Variants in SRFBP1 observed in about 807,000 individuals in gnomAD.
SRFBP1 encodes the protein serum response factor binding protein 1, also known as serum response factor-binding protein 1.
In SRFBP1, 47 loss-of-function variants were observed where a neutral mutation model predicts 45.5. The observed-to-expected ratio is 1.03, with a 90% CI of 0.82 to 1.32. SRFBP1 has a LOEUF of 1.32. Ranked by LOEUF, SRFBP1 falls within the 40% of genes most tolerant of loss-of-function variation. The pLI is 0.00. For missense variants in SRFBP1, 621 were observed against 484.6 expected (o/e 1.28, Z -2.64); for synonymous variants, 203 against 166.3 (o/e 1.22, Z -1.70).
At chr5:122,008,860 TTATAA>T (rs1379346762) in intron 4 of SRFBP1, among the ~76,000 whole-genome samples, 1 of 152,200 alleles carries the variant, frequency 6.6e-6, no homozygotes, top group African/African-American at 2.4e-5. Flanking sequence ...AAATAAAATA[TTATAA>T]TAAAATATGT....
At chr5:121,977,075 G>C (rs953283884) in intron 3 of SRFBP1, among the ~76,000 whole-genome samples, 4 of 151,970 alleles carry the variant, frequency 2.6e-5, no homozygotes, top group Non-Finnish European at 5.9e-5. Flanking sequence ...CCTGTTTTCT[G>C]TTTCTTGTTT....
chr5:122,077,236 TG>T, downstream of SRFBP1: 1 of 1,511,814 alleles, frequency 6.6e-7, no homozygotes, highest in East Asian at 2.4e-5. This position sits in a 1 kb window ranked among gnomAD's most constrained non-coding sequence, Gnocchi z 4.9. Flanking sequence ...TGCAGGCGCG[TG>T]GGGGAGGGAT....
intron 2 of SRFBP1, among the ~76,000 whole-genome samples, chr5:122,053,159 G>T (rs1183326318): frequency 6.6e-6 from 1 of 152,074 alleles, no homozygotes; most frequent in Non-Finnish European, 1.5e-5. Flanking sequence ...TGTGCTTCCT[G>T]GGAAAACACA....
intron 4 of SRFBP1, among the ~76,000 whole-genome samples, chr5:121,999,255 A>G (rs564340148): frequency 1.3e-5 from 2 of 152,222 alleles, no homozygotes; most frequent in Admixed American, 1.3e-4. Flanking sequence ...TGTGTTGCTT[A>G]ATTTCCAGAC....
At chr5:122,076,128 A>G (rs1057318890), downstream of SRFBP1, 1 of 152,214 alleles carries the variant, frequency 6.6e-6, no homozygotes, top group African/African-American at 2.4e-5. Flanking sequence ...CAGGAATGAA[A>G]ATGAGCTTGG....
chr5:121,971,122 G>A (rs1189537176), intron 1 of SRFBP1, among the ~76,000 whole-genome samples: 2 of 152,012 alleles, frequency 1.3e-5, no homozygotes, highest in African/African-American at 4.8e-5. Context: ...TCTTCTGAGA[G>A]CAATTGGACA....
intron 3 of SRFBP1, among the ~76,000 whole-genome samples, chr5:121,991,657 T>G (rs1752624443): frequency 6.6e-6 from 1 of 152,194 alleles, no homozygotes; most frequent in Non-Finnish European, 1.5e-5. Context: ...AATATATCAT[T>G]TATTGCAGTT....
Position 122,020,139 on chromosome 5 carries a change from C to A in SRFBP1, c.404C>A (p.Ser135Ter). The change falls in exon 6 of 8, where the codon TCA becomes TAA. Residue 135 changes from serine to a stop codon, truncating the protein, a stop_gained. Transcript: ENST00000339397. LOFTEE classifies it high-confidence loss of function. ...EARQNVAEVE[S>*]SKNASEDNHS... ...AGACAAAATGTTGCTGAAGTTGAGTCATCAAAGAATGCTTCAGAGGACAAT... is the reference window on the plus strand; with the variant it reads ...AGACAAAATGTTGCTGAAGTTGAGTAATCAAAGAATGCTTCAGAGGACAAT... The A allele has an allele frequency of 4.4e-6, 7 of 1,591,214 alleles. No individual in the cohort carries two copies. In the South Asian group the frequency reaches 8.1e-5, roughly 18 times the overall value.
In SRFBP1 at chr5:122,074,133, G is replaced by T. The variant is rs111837818; in HGVS notation, n.312-1182G>T. 1.2e-6 allele frequency: 2 copies of T among 1,614,108 alleles called. No homozygotes were observed. The highest frequency in any genetic ancestry group is 1.7e-5 in the Admixed American group (1 of 60,038). The stretch of plus-strand genomic sequence containing the variant: ...TCCTCTGGGTGTTGGCATCAAGCAG[G>T]TCATAGTGGCTAAACTCATCCATAC... On this transcript the variant is annotated intron_variant and non_coding_transcript_variant, in intron 2 of 2. Transcript: ENST00000504881.
intron 3 of SRFBP1, among the ~76,000 whole-genome samples, chr5:121,983,861 T>C (rs1408267925): frequency 1.3e-5 from 2 of 151,730 alleles, no homozygotes; most frequent in African/African-American, 2.4e-5. Flanking sequence ...CTTTGTTTTA[T>C]TTTATTGTTC....
Position 122,055,514 on chromosome 5 carries a change from G to C in SRFBP1, n.312-19801G>C, listed in dbSNP as rs188153343. Among the ~76,000 whole-genome samples, 305 of 152,226 alleles carry C rather than the reference G, an allele frequency of 2.0e-3. 1 individual carries two copies. Among genetic ancestry groups the C allele is most frequent in the Non-Finnish European group, 3.4e-3 (231 of 68,008 alleles). The stretch of plus-strand genomic sequence containing the variant: ...AATACAGCAAACCAAATTCTATACA[G>C]TTTTAAAAGTTGTCCAGCATTGTCA... On this transcript the variant is annotated intron_variant and non_coding_transcript_variant, in intron 2 of 2. Transcript: ENST00000504881.
chr5:122,027,234 C>A lies in SRFBP1; in HGVS notation c.*108C>A. 1 of 884,800 alleles carries A rather than the reference C, an allele frequency of 1.1e-6. No homozygotes were observed. Among genetic ancestry groups the A allele is most frequent in the Non-Finnish European group, 1.7e-6 (1 of 595,188 alleles). The allele number at this position is 884,800 out of a possible 1,614,324, so 54.8% of individuals were successfully genotyped here. A position where few individuals can be genotyped will look rare whatever the true frequency, so the allele number is the denominator to read the frequency against. ...AGAGTACAATATTGCAATCACAGCTCACTGCAGCCTCAAACTCCTGGGCTC... is the reference window on the plus strand; with the variant it reads ...AGAGTACAATATTGCAATCACAGCTAACTGCAGCCTCAAACTCCTGGGCTC... On this transcript the variant is annotated 3_prime_UTR_variant, in exon 8 of 8. Transcript: ENST00000339397.
chr5:122,064,044 C>G (rs1754235820), intron 2 of SRFBP1: 1 of 151,902 alleles, frequency 6.6e-6, no homozygotes, highest in South Asian at 2.1e-4. Flanking sequence ...TCTGAATCAT[C>G]ATGAGATCGC....
At position 122,019,202 on chromosome 5, in the gene SRFBP1, T is replaced by A. The variant is rs921805080; in HGVS notation, c.271-58T>A. The A allele has an allele frequency of 1.1e-5, 16 of 1,406,194 alleles. No individual in the cohort carries two copies. The African/African-American group carries it at 2.1e-4, about 19-fold the overall frequency. 87.1% of individuals were successfully genotyped at this position (1,406,194 alleles called of 1,614,324 possible). A position where few individuals can be genotyped will look rare whatever the true frequency, so the allele number is the denominator to read the frequency against. Reference sequence around the variant, plus strand: ...TATGATAGATTTTATTTTATTCACTTTCAATAGTGTCATTTTTATTTCATT... The same window carrying A: ...TATGATAGATTTTATTTTATTCACTATCAATAGTGTCATTTTTATTTCATT... On this transcript the variant is annotated intron_variant, in intron 4 of 7. Coordinates refer to ENST00000339397, the MANE Select transcript of SRFBP1 (RefSeq NM_152546.3).
intron 2 of SRFBP1, 133 bp from the exon 3 acceptor site, chr5:121,975,182 G>A: frequency 1.1e-6 from 1 of 911,640 alleles, no homozygotes; most frequent in Non-Finnish European, 1.7e-6. Context: ...AATGGACAGT[G>A]TAGGATAGTG....
At chr5:121,973,489 G>A (rs1269415475) in intron 1 of SRFBP1, among the ~76,000 whole-genome samples, 1 of 151,462 alleles carries the variant, frequency 6.6e-6, no homozygotes, top group Non-Finnish European at 1.5e-5. Context: ...GTTATAATGT[G>A]TATTTTTTTT....
At chr5:122,048,434 G>C (rs1035259096) in intron 2 of SRFBP1, among the ~76,000 whole-genome samples, 1 of 152,128 alleles carries the variant, frequency 6.6e-6, no homozygotes, top group Non-Finnish European at 1.5e-5. Flanking sequence ...ATGTGCTATT[G>C]GATTCGGTTT....
intron 4 of SRFBP1, among the ~76,000 whole-genome samples, chr5:122,015,234 T>C (rs1263132006): frequency 6.6e-6 from 1 of 152,234 alleles, no homozygotes; most frequent in Admixed American, 6.5e-5. Flanking sequence ...TAAAATATAC[T>C]GCTTCTTCAT....
intron 3 of SRFBP1, among the ~76,000 whole-genome samples, chr5:121,987,568 T>C (rs547537483): frequency 1.3e-5 from 2 of 152,288 alleles, no homozygotes; most frequent in South Asian, 2.1e-4. Flanking sequence ...TTCAGATTCT[T>C]TATTTCAGAG....
Sources: allele counts gnomAD v4.1 joint callset (sites outside exome capture counted in the v4.1 genomes callset), GRCh38; gene constraint gnomAD v4.1.1; non-coding constraint Gnocchi (gnomAD v3.1); transcripts MANE v1.5; gene names NCBI Gene and HGNC (gene_info 2026-07-23, HGNC 2026-07-21).